The following SMIM7 variants were observed in gnomAD, a reference collection of about 807,000 sequenced individuals.
SMIM7 encodes small integral membrane protein 7.
Under a neutral mutation model 13.3 loss-of-function variants are expected in SMIM7, and 12 were observed. That is an observed-to-expected ratio of 0.90 (90% confidence interval 0.58 to 1.46). SMIM7 has a LOEUF of 1.46. Ranked by LOEUF, SMIM7 falls within the 40% of genes most tolerant of loss-of-function variation. The pLI is 0.00. For missense variants in SMIM7, 114 were observed against 94.8 expected, an observed-to-expected ratio of 1.20 and a Z score of -0.84; for synonymous variants, 36 against 35.8, an observed-to-expected ratio of 1.01 and a Z score of -0.02.
At chr19:16,652,748 G>A (rs911026656) in intron 4 of SMIM7, 33 of 1,458,780 alleles carry the variant, frequency 2.3e-5, no homozygotes, top group African/African-American at 2.9e-5. Flanking sequence ...CCCCACATTC[G>A]GAGTCTCAAT....
intron 4 of SMIM7, among the ~76,000 whole-genome samples, chr19:16,649,347 G>A (rs2086489899): frequency 6.6e-6 from 1 of 152,164 alleles, no homozygotes; most frequent in Admixed American, 6.5e-5. Flanking sequence ...GGAGGCCGAT[G>A]TGGGTGGATC....
intron 4 of SMIM7, among the ~76,000 whole-genome samples, chr19:16,647,957 TA>T: frequency 6.6e-6 from 1 of 152,246 alleles, no homozygotes; most frequent in East Asian, 1.9e-4. Context: ...TTATGTCATA[TA>T]AAAAAATTCA....
Position 16,659,946 on chromosome 19 carries a change from G to C in SMIM7, c.68+13C>G, listed in dbSNP as rs752332707. 16 of 1,605,598 alleles carry C rather than the reference G, an allele frequency of 1.0e-5. No homozygotes were observed. The highest frequency in any genetic ancestry group is 1.4e-5 in the Non-Finnish European group (16 of 1,177,710). On this transcript the variant is annotated intron_variant, in intron 2 of 4. Coordinates refer to ENST00000487416, the MANE Select transcript of SMIM7 (RefSeq NM_024104.4). ...CCCCGGATGGAGCCGCAGTCCGGCC[G>C]CGACCTACTCACAGCTTAAAGTTCA...
intron 2 of SMIM7, 41 bp downstream of exon 2, chr19:16,659,918 G>A: frequency 1.9e-6 from 3 of 1,589,150 alleles, no homozygotes; most frequent in Non-Finnish European, 2.6e-6. Flanking sequence ...GGGGCTACGG[G>A]TTCCCCGGAT....
intron 4 of SMIM7, chr19:16,634,144 C>T (rs2086341435): frequency 6.6e-6 from 1 of 152,240 alleles, no homozygotes. Flanking sequence ...ATATAGGTCC[C>T]AACAGTTTGT....
At chr19:16,656,619 C>A (rs1449367662) in intron 3 of SMIM7, among the ~76,000 whole-genome samples, 2 of 152,010 alleles carry the variant, frequency 1.3e-5, no homozygotes, top group African/African-American at 2.4e-5. Context: ...GCCTTTCCAG[C>A]CGGGTGCCGT....
At chr19:16,633,291 T>C (rs1332147162) in intron 4 of SMIM7, among the ~76,000 whole-genome samples, 2 of 151,642 alleles carry the variant, frequency 1.3e-5, no homozygotes, top group Non-Finnish European at 2.9e-5. Context: ...ACCCTGTCTC[T>C]ACTAAAAATA....
chr19:16,647,269 A>C lies in SMIM7; in HGVS notation c.213-8T>G. 4.3e-6 allele frequency: 7 copies of C among 1,614,030 alleles called. No homozygotes were observed. The highest frequency in any genetic ancestry group is 5.9e-6 in the Non-Finnish European group (7 of 1,180,004). Reference sequence around the variant, plus strand: ...ATTCAAGAGCCGAACAGCCTGGAGAAGTCAGAGGGCAGAAATGTCTGTGAG... The same window carrying C: ...ATTCAAGAGCCGAACAGCCTGGAGACGTCAGAGGGCAGAAATGTCTGTGAG... On this transcript the variant is annotated splice_polypyrimidine_tract_variant and splice_region_variant and intron_variant, in intron 4 of 4. Transcript: ENST00000487416.
chr19:16,641,988 G>A (rs925789983), downstream of SMIM7, among the ~76,000 whole-genome samples: 5 of 152,196 alleles, frequency 3.3e-5, no homozygotes, highest in African/African-American at 9.6e-5. Context: ...GCAATGAGAA[G>A]CGCGTGCAAA....
At chr19:16,644,312 G>C (rs2086429335), downstream of SMIM7, among the ~76,000 whole-genome samples, 1 of 151,750 alleles carries the variant, frequency 6.6e-6, no homozygotes, top group Non-Finnish European at 1.5e-5. Context: ...AGTAGAGACG[G>C]GGTTTTGTCA....
intron 4 of SMIM7, chr19:16,640,106 C>G (rs1056052160): frequency 6.6e-6 from 1 of 152,128 alleles, no homozygotes; most frequent in Non-Finnish European, 1.5e-5. Flanking sequence ...CCCGTCACCA[C>G]GCCCAGCTAA....
intron 3 of SMIM7, among the ~76,000 whole-genome samples, chr19:16,658,625 A>C (rs2086626877): frequency 6.6e-6 from 1 of 152,212 alleles, no homozygotes; most frequent in Non-Finnish European, 1.5e-5. Context: ...CAGACATCTT[A>C]ATTTTTATAT....
At chr19:16,647,288 CTG>C in intron 4 of SMIM7, 27 bp from the exon 5 acceptor site, 1 of 1,613,662 alleles carries the variant, frequency 6.2e-7, no homozygotes, top group Non-Finnish European at 8.5e-7. Context: ...GCAGAAATGT[CTG>C]TGAGGATAGG....
intron 4 of SMIM7, among the ~76,000 whole-genome samples, chr19:16,639,410 C>G (rs2086388495): frequency 6.6e-6 from 1 of 152,252 alleles, no homozygotes; most frequent in South Asian, 2.1e-4. Context: ...GCGTGAGCCA[C>G]TGCGCCCGGT....
chr19:16,655,057 T>TCCAACC (rs938392689), intron 3 of SMIM7, among the ~76,000 whole-genome samples: 3 of 151,930 alleles, frequency 2.0e-5, no homozygotes, highest in African/African-American at 7.3e-5. Context: ...TAACCCCAAC[T>TCCAACC]CCAACCCCAA....
At chr19:16,659,022 C>T (rs957920402) in intron 3 of SMIM7, 4 of 295,862 alleles carry the variant, frequency 1.4e-5, no homozygotes, top group African/African-American at 6.6e-5. Flanking sequence ...TTGTGGCTCA[C>T]GCCTGTAATC....
At chr19:16,635,727 C>T (rs1468935155) in intron 4 of SMIM7, among the ~76,000 whole-genome samples, 1 of 150,574 alleles carries the variant, frequency 6.6e-6, no homozygotes, top group Non-Finnish European at 1.5e-5. Flanking sequence ...AAGAGAACGA[C>T]AAAAAATTTA....
intron 4 of SMIM7, 49 bp downstream of exon 4, chr19:16,653,986 G>A (rs2086562870): frequency 6.7e-7 from 1 of 1,493,482 alleles, no homozygotes; most frequent in African/African-American, 1.4e-5. Flanking sequence ...TCACCCTGGA[G>A]AAGGAGACTA....
rs192325122 is a variant in SMIM7, at chr19:16,638,598, G to A, written c.*138-6874C>T. ...GTTGGGATTACAGGCATGAGCCACC[G>A]TGCCTGGCCATTAACCTCTTTTCTT... is the stretch of plus-strand genomic sequence containing the variant. On this transcript the variant is annotated intron_variant and NMD_transcript_variant, in intron 4 of 4. Transcript: ENST00000465250. Among the ~76,000 whole-genome samples the A allele has an allele frequency of 2.6e-5, 4 of 152,070 alleles. No homozygotes were observed. In the East Asian group the frequency reaches 7.7e-4, roughly 29 times the overall value.
Sources: allele counts gnomAD v4.1 joint callset (sites outside exome capture counted in the v4.1 genomes callset), GRCh38; gene constraint gnomAD v4.1.1; transcripts MANE v1.5; gene names NCBI Gene and HGNC (gene_info 2026-07-23, HGNC 2026-07-21).